The following GRIK4 variants were observed in gnomAD, a reference collection of about 807,000 sequenced individuals.
GRIK4 encodes the protein glutamate ionotropic receptor kainate type subunit 4, also known as glutamate receptor ionotropic, kainate 4.
A neutral mutation model predicts 104.9 loss-of-function variants in GRIK4; 40 were observed. That is an observed-to-expected ratio of 0.38 (90% CI 0.30 to 0.50). GRIK4 has a LOEUF of 0.50. Among genes scored for constraint, GRIK4 ranks in the 20% least tolerant of loss-of-function variants. The pLI is 0.93. For missense variants in GRIK4, 1,047 were observed against 1,308.1 expected (o/e 0.80, Z 3.08); for synonymous variants, 485 against 524.9 (o/e 0.92, Z 1.04).
chr11:120,595,937 C>T (rs1948796103), intron 1 of GRIK4, among the ~76,000 whole-genome samples: 1 of 152,252 alleles, frequency 6.6e-6, no homozygotes, highest in African/African-American at 2.4e-5. Flanking sequence ...ACTTCCACCT[C>T]CCGGGTTCAA....
At chr11:120,855,783 G>A (rs887642721) in intron 8 of GRIK4, among the ~76,000 whole-genome samples, 2 of 152,178 alleles carry the variant, frequency 1.3e-5, no homozygotes, top group Admixed American at 6.5e-5. Context: ...GGCTGGTCCC[G>A]GACTCCTGAC....
intron 3 of GRIK4, among the ~76,000 whole-genome samples, chr11:120,732,970 A>G (rs1016625639): frequency 1.6e-4 from 25 of 152,194 alleles, no homozygotes; most frequent in Admixed American, 1.4e-3. Context: ...ATTGGGGTCT[A>G]TCTCTCTCTT....
chr11:120,782,438 A>C (rs560355907), intron 3 of GRIK4, among the ~76,000 whole-genome samples: 21 of 151,956 alleles, frequency 1.4e-4, no homozygotes, highest in African/African-American at 4.6e-4. Flanking sequence ...GGCGCCCACC[A>C]CCATACCTGA....
intron 1 of GRIK4, among the ~76,000 whole-genome samples, chr11:120,512,292 C>G (rs1947671249): frequency 6.6e-6 from 1 of 151,758 alleles, no homozygotes; most frequent in Admixed American, 6.6e-5. Flanking sequence ...GATGACAGCC[C>G]CTTCCCAGCC....
intron 3 of GRIK4, among the ~76,000 whole-genome samples, chr11:120,735,691 G>A (rs56130212): frequency 0.75 from 112,867 of 150,962 alleles, 42,507 homozygotes; most frequent in Middle Eastern, 0.84. Context: ...GGATTGGAGT[G>A]AAAAAAAAAG....
At chr11:120,688,687 C>T (rs1950311148) in intron 3 of GRIK4, among the ~76,000 whole-genome samples, 1 of 152,200 alleles carries the variant, frequency 6.6e-6, no homozygotes, top group Admixed American at 6.5e-5. Flanking sequence ...ATATGGAGAT[C>T]TGCATGAGAG....
At chr11:120,954,430 C>T (rs1944085924) in intron 15 of GRIK4, among the ~76,000 whole-genome samples, 2 of 151,646 alleles carry the variant, frequency 1.3e-5, no homozygotes, top group South Asian at 4.2e-4. Context: ...CTGACACCTC[C>T]CCTCTCCACT....
chr11:120,800,422 C>G (rs1473583034), intron 3 of GRIK4, among the ~76,000 whole-genome samples: 2 of 152,202 alleles, frequency 1.3e-5, no homozygotes, highest in Admixed American at 6.5e-5. Flanking sequence ...TCGGTTTCTG[C>G]TTTCTCAGTA....
chr11:120,659,387 A>G (rs1180211702), intron 2 of GRIK4, among the ~76,000 whole-genome samples: 1 of 152,194 alleles, frequency 6.6e-6, no homozygotes, highest in African/African-American at 2.4e-5. Flanking sequence ...GACCGCTCCC[A>G]TCTGGGCCAG....
chr11:120,593,293 T>C (rs1345073043), intron 1 of GRIK4, among the ~76,000 whole-genome samples: 3 of 151,852 alleles, frequency 2.0e-5, no homozygotes, highest in Admixed American at 2.0e-4. Flanking sequence ...CTGCCTCCAC[T>C]TCACCTCCCG....
chr11:120,801,290 G>A (rs3133525), intron 3 of GRIK4, among the ~76,000 whole-genome samples: 31,510 of 152,118 alleles, frequency 0.21, 7,020 homozygotes, highest in African/African-American at 0.57. Context: ...CAATGACACT[G>A]TCTCAGCTCA....
At chr11:120,692,713 C>A (rs1362391781) in intron 3 of GRIK4, among the ~76,000 whole-genome samples, 1 of 152,160 alleles carries the variant, frequency 6.6e-6, no homozygotes. Context: ...GAAGCTTGAA[C>A]TTTGTTTTGG....
intron 1 of GRIK4, among the ~76,000 whole-genome samples, chr11:120,566,050 G>A (rs1440596317): frequency 1.3e-5 from 2 of 152,204 alleles, no homozygotes; most frequent in Non-Finnish European, 2.9e-5. Flanking sequence ...GCCCACAGAG[G>A]TTAAGTTTTA....
intron 9 of GRIK4, 140 bp downstream of exon 9, chr11:120,862,260 G>A (rs1380311840): frequency 2.7e-6 from 2 of 737,784 alleles, no homozygotes; most frequent in Non-Finnish European, 4.5e-6. Flanking sequence ...GAGGTAGAGA[G>A]GTGTGGGAAG....
intron 6 of GRIK4, among the ~76,000 whole-genome samples, chr11:120,827,435 T>TGGTAGGCA (rs1555073537): frequency 1.3e-5 from 2 of 151,858 alleles, no homozygotes; most frequent in Admixed American, 6.6e-5. Flanking sequence ...GCCTTAGACT[T>TGGTAGGCA]GGCAGGCAGG....
intron 3 of GRIK4, among the ~76,000 whole-genome samples, chr11:120,672,371 GCAC>G (rs1213038034): frequency 1.3e-5 from 2 of 151,974 alleles, no homozygotes; most frequent in Admixed American, 1.3e-4. Context: ...AGCCAGGATT[GCAC>G]CACTGCACTC....
intron 3 of GRIK4, among the ~76,000 whole-genome samples, chr11:120,798,622 C>G (rs12290923): frequency 0.12 from 18,426 of 152,136 alleles, 3,524 homozygotes; most frequent in African/African-American, 0.41. Flanking sequence ...TGGGATTACA[C>G]GCACACACCA....
Position 120,755,664 on chromosome 11 carries a change from A to AT in GRIK4, c.83-47029_83-47028insT, listed in dbSNP as rs1383336796. On this transcript the variant is annotated intron_variant, in intron 3 of 20. Coordinates refer to ENST00000527524, the MANE Select transcript of GRIK4 (RefSeq NM_014619.5). Reference sequence around the variant, plus strand: ...ATAAATAATAATAATAATAATAATAAAAATAATTTACTATGCAAATCAACA... The same window carrying AT: ...ATAAATAATAATAATAATAATAATAATAAATAATTTACTATGCAAATCAACA... Among the ~76,000 whole-genome samples, 415 of 151,022 alleles carry AT rather than the reference A, an allele frequency of 2.7e-3. 1 individual carries two copies. The highest frequency in any genetic ancestry group is 9.6e-3 in the African/African-American group (395 of 41,134).
chr11:120,858,120 G>A (rs1345770773), intron 8 of GRIK4: 1 of 152,194 alleles, frequency 6.6e-6, no homozygotes, highest in Admixed American at 6.5e-5. Flanking sequence ...ATGAGAACCT[G>A]TTCCACCCGA....
Sources: gnomAD v4.1 joint callset for allele counts (sites outside exome capture counted in the v4.1 genomes callset) on GRCh38, gnomAD v4.1.1 for gene constraint, MANE v1.5 for transcripts, NCBI Gene and HGNC (gene_info 2026-07-23, HGNC 2026-07-21) for gene names.